FAM13C: variants seen among roughly 807,000 people sequenced by gnomAD.
The protein encoded by FAM13C is protein FAM13C.
A neutral mutation model predicts 73.2 loss-of-function variants in FAM13C; 37 were observed. The ratio of observed to expected loss-of-function variants is 0.51; its 90% CI spans 0.39 to 0.67. FAM13C has a LOEUF of 0.67. Ranked by LOEUF, FAM13C falls within the 30% of genes least tolerant of loss-of-function variation. The probability of loss-of-function intolerance (pLI) is 0.00; values close to 1 mark genes in which losing one functional copy is unlikely to be tolerated. For synonymous variants in FAM13C, 246 were observed against 260.9 expected (o/e 0.94, Z 0.55); for missense variants, 589 against 715.6 (o/e 0.82, Z 2.02).
chr10:59,361,035 T>G, intron 1 of FAM13C: 1 of 1,289,222 alleles, frequency 7.8e-7, no homozygotes, highest in South Asian at 1.2e-5. Context: ...CCTGTGCACC[T>G]GGAGCAGGAA....
At chr10:59,342,818 G>A (rs1475759202) in intron 3 of FAM13C, among the ~76,000 whole-genome samples, 1 of 152,162 alleles carries the variant, frequency 6.6e-6, no homozygotes, top group Non-Finnish European at 1.5e-5. Context: ...TTTTGTTTCT[G>A]CTATCCAGAC....
intron 4 of FAM13C, among the ~76,000 whole-genome samples, chr10:59,315,060 G>C (rs955343183): frequency 6.6e-6 from 1 of 152,124 alleles, no homozygotes; most frequent in Non-Finnish European, 1.5e-5. Context: ...CTGTCCCAAA[G>C]TAAGATTCAA....
intron 6 of FAM13C, among the ~76,000 whole-genome samples, chr10:59,271,846 C>A (rs1843751242): frequency 6.6e-6 from 1 of 152,298 alleles, no homozygotes; most frequent in Middle Eastern, 3.4e-3. Context: ...AGAAAATAAT[C>A]TTTAGCAGGC....
chr10:59,338,143 G>A (rs1331315516), intron 3 of FAM13C, among the ~76,000 whole-genome samples: 1 of 152,068 alleles, frequency 6.6e-6, no homozygotes, highest in African/African-American at 2.4e-5. Context: ...TAACCTAATA[G>A]GTGGGTCATA....
chr10:59,324,158 A>T, intron 3 of FAM13C, 52 bp from the exon 4 acceptor site: 2 of 1,419,074 alleles, frequency 1.4e-6, no homozygotes, highest in Non-Finnish European at 2.0e-6. Context: ...AATCAGTTCC[A>T]TAGCATTATT....
At chr10:59,308,935 A>G (rs921457237) in intron 4 of FAM13C, among the ~76,000 whole-genome samples, 3 of 152,198 alleles carry the variant, frequency 2.0e-5, no homozygotes, top group African/African-American at 7.2e-5. Flanking sequence ...AAGCATTAAG[A>G]TATTTTTCTT....
At chr10:59,257,478 A>T (rs1842055529) in intron 10 of FAM13C, among the ~76,000 whole-genome samples, 1 of 152,208 alleles carries the variant, frequency 6.6e-6, no homozygotes, top group Non-Finnish European at 1.5e-5. Flanking sequence ...GAAATTTATA[A>T]ATGAAATCAT....
intron 3 of FAM13C, among the ~76,000 whole-genome samples, chr10:59,350,582 C>A (rs1366251412): frequency 6.6e-6 from 1 of 152,174 alleles, no homozygotes; most frequent in Non-Finnish European, 1.5e-5. Context: ...AATGGTATTT[C>A]ACACTCACTT....
At chr10:59,254,030 A>G (rs1841677944) in intron 11 of FAM13C, 1 of 325,744 alleles carries the variant, frequency 3.1e-6, no homozygotes, top group African/African-American at 2.1e-5. Flanking sequence ...TGTTTTGTCT[A>G]GCTGTGTTAC....
chr10:59,319,030 C>T (rs1016193593), intron 4 of FAM13C, among the ~76,000 whole-genome samples: 4 of 147,972 alleles, frequency 2.7e-5, no homozygotes, highest in South Asian at 2.2e-4. Flanking sequence ...ACTCTGCTTA[C>T]GTCTATGAAA....
At chr10:59,328,347 A>G (rs1432862663) in intron 3 of FAM13C, among the ~76,000 whole-genome samples, 2 of 152,120 alleles carry the variant, frequency 1.3e-5, no homozygotes, top group Admixed American at 6.6e-5. Flanking sequence ...GTGAAATATG[A>G]TATTTTGTTC....
At chr10:59,313,943 T>C (rs963807827) in intron 4 of FAM13C, among the ~76,000 whole-genome samples, 2 of 152,190 alleles carry the variant, frequency 1.3e-5, no homozygotes, top group Non-Finnish European at 2.9e-5. Flanking sequence ...AGTTCAGCAC[T>C]GTGCTGAAAA....
chr10:59,272,056 A>T (rs1843777464), intron 6 of FAM13C, among the ~76,000 whole-genome samples: 1 of 152,196 alleles, frequency 6.6e-6, no homozygotes. Flanking sequence ...TGGAACCCAT[A>T]GAGTCCTAAA....
chr10:59,348,760 C>G (rs531079846), intron 3 of FAM13C, among the ~76,000 whole-genome samples: 2 of 152,190 alleles, frequency 1.3e-5, no homozygotes, highest in East Asian at 3.9e-4. Flanking sequence ...CTCAGCCTCC[C>G]GAGTAGCTGG....
At chr10:59,253,992 T>A in intron 11 of FAM13C, 1 of 264,742 alleles carries the variant, frequency 3.8e-6, no homozygotes, top group Non-Finnish European at 7.0e-6. Flanking sequence ...AAGGAAAAAA[T>A]TAACCAACAC....
intron 1 of FAM13C, among the ~76,000 whole-genome samples, chr10:59,362,042 T>C (rs1306008804): frequency 1.3e-5 from 2 of 152,208 alleles, no homozygotes; most frequent in Non-Finnish European, 2.9e-5. Context: ...TAAATGTATA[T>C]AGTGTGCACT....
intron 6 of FAM13C, among the ~76,000 whole-genome samples, chr10:59,280,446 C>T (rs1844800165): frequency 6.6e-6 from 1 of 152,200 alleles, no homozygotes; most frequent in African/African-American, 2.4e-5. Flanking sequence ...AGTTACAAGT[C>T]CCATGTGATC....
chr10:59,313,557 C>T (rs1849184992), intron 4 of FAM13C, among the ~76,000 whole-genome samples: 1 of 152,108 alleles, frequency 6.6e-6, no homozygotes, highest in South Asian at 2.1e-4. Flanking sequence ...ATCACATGTC[C>T]AAGTTGAGCA....
chr10:59,355,715 C>T (rs191616943), intron 2 of FAM13C, among the ~76,000 whole-genome samples, 172 bp downstream of exon 2: 2 of 152,046 alleles, frequency 1.3e-5, no homozygotes, highest in East Asian at 3.9e-4. Flanking sequence ...GGGTGGTATC[C>T]AAAAGCGGAA....
Sources: allele counts gnomAD v4.1 joint callset (sites outside exome capture counted in the v4.1 genomes callset), GRCh38; gene constraint gnomAD v4.1.1; transcripts MANE v1.5; gene names NCBI Gene and HGNC (gene_info 2026-07-23, HGNC 2026-07-21).